CCNC: variants seen among roughly 807,000 people sequenced by gnomAD.
CCNC encodes cyclin-C.
In CCNC, 19 loss-of-function variants were observed where a neutral mutation model predicts 50.0. The observed-to-expected ratio is 0.38, with a 90% CI of 0.27 to 0.56. The LOEUF (loss-of-function observed/expected upper bound fraction) is 0.56. CCNC is among the 20% of genes least tolerant of loss of function. The pLI is 0.72. For missense variants in CCNC, 200 were observed against 327.1 expected (o/e 0.61, Z 3.00); for synonymous variants, 93 against 103.7 (o/e 0.90, Z 0.63).
intron 8 of CCNC, 68 bp from the exon 9 acceptor site, chr6:99,549,643 G>C: frequency 1.0e-6 from 1 of 968,554 alleles, no homozygotes; most frequent in East Asian, 2.5e-5. Context: ...ATTTCCTCCA[G>C]AGAGGGCCAG....
At chr6:99,565,430 A>G in intron 1 of CCNC, among the ~76,000 whole-genome samples, 1 of 151,860 alleles carries the variant, frequency 6.6e-6, no homozygotes, top group East Asian at 1.9e-4. Context: ...AAAAGCTTTT[A>G]TTTTTGCATT....
intron 4 of CCNC, 132 bp from the exon 5 acceptor site, chr6:99,558,680 C>T (rs1002083456): frequency 1.4e-6 from 1 of 712,266 alleles, no homozygotes; most frequent in East Asian, 2.8e-5. Context: ...GAAGTACTTA[C>T]ACTCCTAAAT....
intron 1 of CCNC, chr6:99,566,861 A>C (rs766015670): frequency 2.3e-6 from 1 of 427,706 alleles, no homozygotes; most frequent in South Asian, 1.7e-5. Flanking sequence ...GAAATATAGC[A>C]TATTTAATAT....
At chr6:99,543,683 CTT>C in intron 11 of CCNC, 74 bp from the exon 12 acceptor site, 2 of 1,584,756 alleles carry the variant, frequency 1.3e-6, no homozygotes, top group Non-Finnish European at 1.7e-6. Flanking sequence ...AGCCTACTGA[CTT>C]TTAAATTCAT....
intron 1 of CCNC, 91 bp downstream of exon 1, chr6:99,568,404 GA>G (rs1359386048): frequency 7.7e-7 from 1 of 1,290,718 alleles, no homozygotes; most frequent in African/African-American, 1.5e-5. Flanking sequence ...ACTCGGAACT[GA>G]GCTGGGATCC....
At chr6:99,563,372 T>C (rs1768938369) in intron 1 of CCNC, among the ~76,000 whole-genome samples, 1 of 152,226 alleles carries the variant, frequency 6.6e-6, no homozygotes, top group Non-Finnish European at 1.5e-5. Context: ...TGGGTAACTA[T>C]GGCATTTAAT....
Position 99,562,950 on chromosome 6 carries a change from T to C in CCNC, c.33-2A>G, listed in dbSNP as rs1233120162. The C allele has an allele frequency of 6.4e-7, 1 of 1,564,454 alleles. No individual in the cohort carries two copies. Among genetic ancestry groups the C allele is most frequent in the Non-Finnish European group, 8.7e-7 (1 of 1,142,986 alleles). On this transcript the variant is annotated splice_acceptor_variant, in intron 1 of 11. Coordinates refer to ENST00000520429, the MANE Select transcript of CCNC (RefSeq NM_005190.4). LOFTEE classifies it high-confidence loss of function. ...TGTTTATCCAAAATCCATTGCAAAC[T>C]AGAAAAGACATGTTACAGAAAATCA...
chr6:99,550,481 C>G (rs1398408615), intron 7 of CCNC, 172 bp from the exon 8 acceptor site: 1 of 554,222 alleles, frequency 1.8e-6, no homozygotes, highest in Admixed American at 3.4e-5. Context: ...CTAAACTCTA[C>G]CGTAATAGTG....
At chr6:99,563,860 G>A (rs187904166) in intron 1 of CCNC, among the ~76,000 whole-genome samples, 1 of 151,762 alleles carries the variant, frequency 6.6e-6, no homozygotes, top group East Asian at 1.9e-4. Flanking sequence ...TTCACATGCT[G>A]TGCTATTTTA....
rs756015358 is a variant in CCNC at position 99,546,367 on chromosome 6, C to A, written c.678+28G>T. On this transcript the variant is annotated intron_variant, in intron 10 of 11. Transcript: ENST00000520429. The stretch of plus-strand genomic sequence containing the variant: ...AAATATGACATTAATTTTTAAACAT[C>A]CAAGTTTACATACAACTAAGGGAAT... 16 of 1,456,824 alleles carry A rather than the reference C, an allele frequency of 1.1e-5. 1 individual carries two copies. The South Asian group carries it at 1.8e-4, about 17-fold the overall frequency. 90.2% of individuals were successfully genotyped at this position (1,456,824 alleles called of 1,614,324 possible). A position where few individuals can be genotyped will look rare whatever the true frequency, so the allele number is the denominator to read the frequency against.
chr6:99,565,237 A>G (rs1440960693), intron 1 of CCNC, among the ~76,000 whole-genome samples: 1 of 152,062 alleles, frequency 6.6e-6, no homozygotes, highest in East Asian at 1.9e-4. Flanking sequence ...TGATTACATT[A>G]CATTTAAAGA....
chr6:99,567,059 G>C (rs1433004904), intron 1 of CCNC: 1 of 358,750 alleles, frequency 2.8e-6, no homozygotes. Flanking sequence ...TGGGAGAAAA[G>C]AATAGTTTCA....
chr6:99,549,430 T>TA, intron 9 of CCNC, 78 bp downstream of exon 9: 2 of 923,356 alleles, frequency 2.2e-6, no homozygotes, highest in Non-Finnish European at 3.5e-6. Context: ...TAAAGTACAA[T>TA]AGGGTGAAAT....
intron 11 of CCNC, chr6:99,543,891 A>G (rs1583565072): frequency 7.7e-7 from 1 of 1,290,422 alleles, no homozygotes; most frequent in East Asian, 3.1e-5. Flanking sequence ...ATGGGATTTC[A>G]TTGTTATTAC....
At chr6:99,549,452 T>A in intron 9 of CCNC, 56 bp downstream of exon 9, 1 of 1,165,520 alleles carries the variant, frequency 8.6e-7, no homozygotes, top group Non-Finnish European at 1.3e-6. Flanking sequence ...TAGTTTAGGA[T>A]GACCTAAATA....
At chr6:99,545,089 A>G in intron 11 of CCNC, 23 bp downstream of exon 11, 2 of 1,076,754 alleles carry the variant, frequency 1.9e-6, no homozygotes, top group Non-Finnish European at 2.9e-6. Context: ...AAATGACATC[A>G]ATAATTAAAG....
intron 7 of CCNC, 106 bp from the exon 8 acceptor site, chr6:99,550,415 T>G (rs1802242592): frequency 4.0e-6 from 3 of 743,618 alleles, no homozygotes; most frequent in African/African-American, 1.8e-5. Flanking sequence ...CAAAGTGAAT[T>G]TCACTAACTC....
At position 99,549,977 on chromosome 6, in the gene CCNC, C is replaced by T. The variant is rs373402200; in HGVS notation, c.530+241G>A. 2.0e-3 allele frequency among the ~76,000 whole-genome samples: 301 copies of T among 152,050 alleles called. 3 individuals carry two copies. Among genetic ancestry groups the T allele is most frequent in the African/African-American group, 6.9e-3 (286 of 41,492 alleles). On this transcript the variant is annotated intron_variant, in intron 8 of 11. Transcript: ENST00000520429. ...CAGTCTTAATTTTTATGTTAACAGT[C>T]TGTGTTTTGTATAAAATTAAATTTT...
intron 7 of CCNC, 90 bp downstream of exon 7, chr6:99,550,903 G>GT: frequency 1.5e-6 from 1 of 654,788 alleles, no homozygotes; most frequent in South Asian, 2.6e-5. Context: ...GTTTTAAAAT[G>GT]TACCTCTCTA....
Sources: allele counts gnomAD v4.1 joint callset (sites outside exome capture counted in the v4.1 genomes callset), GRCh38; gene constraint gnomAD v4.1.1; transcripts MANE v1.5; gene names NCBI Gene and HGNC (gene_info 2026-07-23, HGNC 2026-07-21).